Variants in SLC17A1 observed in about 807,000 individuals in gnomAD.
SLC17A1 encodes solute carrier family 17 member 1.
A neutral mutation model predicts 53.5 loss-of-function variants in SLC17A1; 51 were observed. That is an observed-to-expected ratio of 0.95 (90% confidence interval 0.76 to 1.20). The LOEUF (loss-of-function observed/expected upper bound fraction) is 1.20. Among genes scored for constraint, SLC17A1 ranks in the 50% most tolerant of loss-of-function variants. The probability of loss-of-function intolerance (pLI) is 0.00; values close to 1 mark genes in which losing one functional copy is unlikely to be tolerated. For synonymous variants in SLC17A1, 179 were observed against 198.8 expected, an observed-to-expected ratio of 0.90 and a Z score of 0.84; for missense variants, 538 against 568.2, an observed-to-expected ratio of 0.95 and a Z score of 0.54.
intron 3 of SLC17A1, among the ~76,000 whole-genome samples, chr6:25,825,735 A>G (rs1267987981): frequency 6.6e-6 from 1 of 151,950 alleles, no homozygotes; most frequent in African/African-American, 2.4e-5. Context: ...TGAAAAAAAT[A>G]TTTCTTGTTT....
chr6:25,775,998 C>T, the SLC17A1 span, among the ~76,000 whole-genome samples: 9 of 151,982 alleles, frequency 5.9e-5, no homozygotes, highest in Non-Finnish European at 1.3e-4. Flanking sequence ...TTTGTGCAAC[C>T]CTCTGTGGAG....
In SLC17A1 at chr6:25,830,590, G is replaced by T. The variant is rs1460026980; in HGVS notation, c.-33C>A. The T allele has an allele frequency of 1.2e-6, 2 of 1,613,428 alleles. No homozygotes were observed. Among genetic ancestry groups the T allele is most frequent in the Middle Eastern group, 3.3e-4 (2 of 6,060 alleles). ...TGAAGTTGCTTCTCTTCTTGCTGAA[G>T]GGTTTTGCCTCCACCCACTGTGAGT... On this transcript the variant is annotated 5_prime_UTR_variant, in exon 2 of 13. Coordinates refer to ENST00000244527, the MANE Select transcript of SLC17A1 (RefSeq NM_005074.5).
chr6:25,780,022 G>T (rs1287952216), downstream of SLC17A1: 1 of 152,170 alleles, frequency 6.6e-6, no homozygotes, highest in Non-Finnish European at 1.5e-5. Flanking sequence ...TCAATTCAAT[G>T]TGGAACCATT....
At chr6:25,813,299 T>G (rs2151493272) in intron 6 of SLC17A1, 86 bp from the exon 7 acceptor site, 1 of 1,071,848 alleles carries the variant, frequency 9.3e-7, no homozygotes, top group Non-Finnish European at 1.4e-6. Context: ...TGTATCAGTC[T>G]GAGAAACTGG....
At chr6:25,823,623 T>A (rs1764639493) in intron 3 of SLC17A1, among the ~76,000 whole-genome samples, 1 of 152,098 alleles carries the variant, frequency 6.6e-6, no homozygotes, top group South Asian at 2.1e-4. Context: ...TTTGGTGAAA[T>A]AGCTGTTCAC....
chr6:25,830,382 T>C, intron 2 of SLC17A1, 142 bp downstream of exon 2: 1 of 619,928 alleles, frequency 1.6e-6, no homozygotes, highest in South Asian at 2.4e-5. Context: ...AAAACCATAG[T>C]AGGACTGGTT....
the SLC17A1 span, chr6:25,773,726 G>T: frequency 6.4e-7 from 1 of 1,574,496 alleles, no homozygotes; most frequent in South Asian, 1.2e-5. Flanking sequence ...CTTAAATAAT[G>T]AGAGCTCATA....
the SLC17A1 span, chr6:25,777,424 C>G: frequency 0.043 from 6,993 of 161,694 alleles, 480 homozygotes; most frequent in African/African-American, 0.15. Context: ...ACAGGACATC[C>G]TTCATCTTCA....
the SLC17A1 span, among the ~76,000 whole-genome samples, chr6:25,745,669 G>A: frequency 3.9e-5 from 6 of 152,080 alleles, no homozygotes; most frequent in African/African-American, 1.4e-4. Flanking sequence ...CTTTTCTTAG[G>A]CTCCAGGTCT....
At chr6:25,764,172 T>C in the SLC17A1 span, among the ~76,000 whole-genome samples, 2 of 152,184 alleles carry the variant, frequency 1.3e-5, no homozygotes, top group East Asian at 3.9e-4. Context: ...TGGTTTCTCA[T>C]TGAGTTCGGC....
chr6:25,783,772 T>A (rs1449244294), intron 12 of SLC17A1, among the ~76,000 whole-genome samples: 1 of 152,076 alleles, frequency 6.6e-6, no homozygotes, highest in African/African-American at 2.4e-5. Context: ...AGCCCCCCTT[T>A]GTGGTCCTGC....
chr6:25,761,620 A>G, the SLC17A1 span, among the ~76,000 whole-genome samples: 1 of 152,222 alleles, frequency 6.6e-6, no homozygotes, highest in Non-Finnish European at 1.5e-5. Context: ...TTTCATGTCC[A>G]TTTGATACTA....
intron 11 of SLC17A1, among the ~76,000 whole-genome samples, 180 bp downstream of exon 11, chr6:25,800,710 T>C (rs1169001387): frequency 1.3e-5 from 2 of 152,202 alleles, no homozygotes; most frequent in African/African-American, 4.8e-5. Context: ...AATAATGAGA[T>C]AGAAATTGCA....
At chr6:25,771,631 T>C in the SLC17A1 span, among the ~76,000 whole-genome samples, 9 of 152,180 alleles carry the variant, frequency 5.9e-5, no homozygotes, top group East Asian at 3.8e-4. Flanking sequence ...GTCATGCTTT[T>C]TAATTTAATA....
the SLC17A1 span, among the ~76,000 whole-genome samples, chr6:25,760,284 A>T: frequency 1.3e-5 from 2 of 151,978 alleles, no homozygotes; most frequent in Non-Finnish European, 2.9e-5. Flanking sequence ...ACTGTATTTT[A>T]TTTTTTTATT....
intron 6 of SLC17A1, among the ~76,000 whole-genome samples, chr6:25,815,564 TACA>T (rs1423751677): frequency 6.6e-6 from 1 of 152,200 alleles, no homozygotes; most frequent in East Asian, 1.9e-4. Context: ...GAAATGCAAA[TACA>T]ACGTTTCACC....
the SLC17A1 span, among the ~76,000 whole-genome samples, chr6:25,741,755 G>A: frequency 6.6e-6 from 1 of 151,852 alleles, no homozygotes; most frequent in Non-Finnish European, 1.5e-5. Flanking sequence ...AAAAAAATTA[G>A]CCGAGCATGG....
chr6:25,754,330 G>A, the SLC17A1 span, among the ~76,000 whole-genome samples: 1 of 152,160 alleles, frequency 6.6e-6, no homozygotes, highest in African/African-American at 2.4e-5. Context: ...CGACCAAAAT[G>A]TATTAAGTCT....
the SLC17A1 span, among the ~76,000 whole-genome samples, chr6:25,749,384 C>T: frequency 6.6e-6 from 1 of 152,180 alleles, no homozygotes; most frequent in Admixed American, 6.5e-5. Context: ...CAGGGCAAAG[C>T]AATTGTTCAG....
Sources: allele counts gnomAD v4.1 joint callset (sites outside exome capture counted in the v4.1 genomes callset), GRCh38; gene constraint gnomAD v4.1.1; transcripts MANE v1.5; gene names NCBI Gene and HGNC (gene_info 2026-07-23, HGNC 2026-07-21).